Variants in MEGF11 observed in about 807,000 individuals in gnomAD.
MEGF11 encodes multiple epidermal growth factor-like domains protein 11.
In MEGF11, 126 loss-of-function variants were observed where a neutral mutation model predicts 146.6. The ratio of observed to expected loss-of-function variants is 0.86; its 90% confidence interval spans 0.74 to 1.00. The LOEUF (loss-of-function observed/expected upper bound fraction) is 1.00. Ranked by LOEUF, MEGF11 falls within the 50% of genes least tolerant of loss-of-function variation. MEGF11 has a pLI of 0.00. For synonymous variants in MEGF11, 532 were observed against 583.4 expected (o/e 0.91, Z 1.27); for missense variants, 1,509 against 1,521.2 (o/e 0.99, Z 0.13).
chr15:65,911,640 C>T (rs1372529860), intron 21 of MEGF11, among the ~76,000 whole-genome samples: 2 of 152,124 alleles, frequency 1.3e-5, no homozygotes, highest in African/African-American at 4.8e-5. Flanking sequence ...CTCAATATCT[C>T]GACCTTGTGA....
chr15:66,042,810 G>T (rs980269096), intron 5 of MEGF11, among the ~76,000 whole-genome samples: 2 of 152,188 alleles, frequency 1.3e-5, no homozygotes, highest in African/African-American at 4.8e-5. Flanking sequence ...ACACGGCCTA[G>T]GACTGCAGGG....
chr15:66,248,714 A>T (rs2092331266), intron 1 of MEGF11, among the ~76,000 whole-genome samples: 1 of 152,202 alleles, frequency 6.6e-6, no homozygotes, highest in South Asian at 2.1e-4. Context: ...AGGTACTCAC[A>T]CTTGGCCCAG....
intron 5 of MEGF11, among the ~76,000 whole-genome samples, chr15:66,092,449 GC>G (rs2086358541): frequency 6.6e-6 from 1 of 152,206 alleles, no homozygotes; most frequent in African/African-American, 2.4e-5. Context: ...AGAGCAAAGA[GC>G]TTTTGGGTTG....
At chr15:66,179,109 C>G (rs1381290186) in intron 1 of MEGF11, among the ~76,000 whole-genome samples, 1 of 152,124 alleles carries the variant, frequency 6.6e-6, no homozygotes, top group Non-Finnish European at 1.5e-5. Flanking sequence ...ACAGCCCCAG[C>G]TCTAGGAGGT....
In MEGF11 at chr15:66,219,992, G is replaced by A. The variant is rs190278778; in HGVS notation, c.-9+33613C>T. On this transcript the variant is annotated intron_variant, in intron 1 of 25. Coordinates refer to ENST00000395614, the MANE Select transcript of MEGF11 (RefSeq NM_001385028.1). Reference sequence around the variant, plus strand: ...TTTATTTGGAAATAGGGTCTTTGCAGATATCATTAGTTAAAATAAGGTCAT... The same window carrying A: ...TTTATTTGGAAATAGGGTCTTTGCAAATATCATTAGTTAAAATAAGGTCAT... Among the ~76,000 whole-genome samples, 194 of 152,248 alleles carry A rather than the reference G, an allele frequency of 1.3e-3. 2 individuals carry two copies. The highest frequency in any genetic ancestry group is 3.4e-3 in the Middle Eastern group (1 of 294).
Position 66,049,012 on chromosome 15 carries a change from T to C in MEGF11, c.394+45390A>G, listed in dbSNP as rs540276907. ...AGACCACCAGGGGTTTGTCCTATAA[T>C]GAGAGGAAGGGCTGCAGAAGAGAGC... is the stretch of plus-strand genomic sequence containing the variant. On this transcript the variant is annotated intron_variant, in intron 5 of 25. Transcript: ENST00000395614. 3.3e-4 allele frequency among the ~76,000 whole-genome samples: 50 copies of C among 152,204 alleles called. No homozygotes were observed. In the South Asian group the frequency reaches 0.01, roughly 31 times the overall value.
At chr15:66,169,418 A>T (rs1436289187) in intron 1 of MEGF11, among the ~76,000 whole-genome samples, 1 of 152,174 alleles carries the variant, frequency 6.6e-6, no homozygotes, top group Non-Finnish European at 1.5e-5. Context: ...CAGGGAAGGG[A>T]TGGTCCTGAC....
chr15:66,246,262 ATAAT>A (rs563862851), intron 1 of MEGF11, among the ~76,000 whole-genome samples: 2 of 152,096 alleles, frequency 1.3e-5, no homozygotes, highest in Non-Finnish European at 2.9e-5. Flanking sequence ...CATCTCAAAA[ATAAT>A]TAATTAATTT....
intron 5 of MEGF11, among the ~76,000 whole-genome samples, chr15:66,082,165 T>C (rs2085885008): frequency 6.6e-6 from 1 of 152,078 alleles, no homozygotes; most frequent in South Asian, 2.1e-4. Flanking sequence ...AAGTTCTGGG[T>C]TCTGATCCCA....
chr15:65,979,422 C>T (rs1468625748), intron 7 of MEGF11, among the ~76,000 whole-genome samples: 1 of 152,198 alleles, frequency 6.6e-6, no homozygotes, highest in African/African-American at 2.4e-5. Context: ...CCATCTGTCC[C>T]TGTGACCTCT....
In MEGF11 at chr15:65,978,737, G is replaced by C. The variant is rs946776468; in HGVS notation, c.762+2041C>G. 4.8e-4 allele frequency among the ~76,000 whole-genome samples: 73 copies of C among 152,152 alleles called. 1 individual carries two copies. The highest frequency in any genetic ancestry group is 5.9e-5 in the Non-Finnish European group (4 of 68,020). On this transcript the variant is annotated intron_variant, in intron 7 of 25. Coordinates refer to ENST00000395614, the MANE Select transcript of MEGF11 (RefSeq NM_001385028.1). ...GAGGGTCTTTCCAGAGACTGGTTCA[G>C]GGTGGAAGAAAAGGTGGTGGCGGTC...
intron 5 of MEGF11, among the ~76,000 whole-genome samples, chr15:66,071,560 G>A (rs536530023): frequency 1.5e-4 from 23 of 152,322 alleles, no homozygotes; most frequent in Non-Finnish European, 2.6e-4. Flanking sequence ...CCTGTGTGGC[G>A]TGTGCTCTCC....
intron 1 of MEGF11, among the ~76,000 whole-genome samples, chr15:66,239,826 T>A (rs961066134): frequency 6.6e-6 from 1 of 152,106 alleles, no homozygotes; most frequent in Non-Finnish European, 1.5e-5. Context: ...CAGGGTCAGG[T>A]GATATGACCC....
At chr15:66,212,688 C>A (rs377094148) in intron 1 of MEGF11, among the ~76,000 whole-genome samples, 1 of 131,514 alleles carries the variant, frequency 7.6e-6, no homozygotes, top group East Asian at 2.3e-4. Context: ...CATCCGCACA[C>A]GCGGCATCCC....
At chr15:66,025,677 T>C (rs1479864365) in intron 5 of MEGF11, among the ~76,000 whole-genome samples, 1 of 152,172 alleles carries the variant, frequency 6.6e-6, no homozygotes, top group African/African-American at 2.4e-5. Flanking sequence ...GAACGGACCA[T>C]ACCTCCTTTT....
At chr15:66,188,578 C>A (rs2090776956) in intron 1 of MEGF11, among the ~76,000 whole-genome samples, 1 of 152,216 alleles carries the variant, frequency 6.6e-6, no homozygotes, top group African/African-American at 2.4e-5. Context: ...TTTCCCCTCT[C>A]TGCAGATGGG....
intron 13 of MEGF11, among the ~76,000 whole-genome samples, chr15:65,925,407 G>T (rs1161093368): frequency 6.6e-6 from 1 of 152,202 alleles, no homozygotes; most frequent in Non-Finnish European, 1.5e-5. Flanking sequence ...GGGGCTGTTT[G>T]TGGTTCTTAT....
At chr15:66,154,799 A>G (rs2089695549) in intron 1 of MEGF11, among the ~76,000 whole-genome samples, 1 of 151,922 alleles carries the variant, frequency 6.6e-6, no homozygotes, top group African/African-American at 2.4e-5. Flanking sequence ...CAGTTGATGA[A>G]CCTTGGTGGG....
intron 5 of MEGF11, among the ~76,000 whole-genome samples, chr15:66,058,979 A>G (rs1240267493): frequency 6.6e-6 from 1 of 152,098 alleles, no homozygotes; most frequent in Non-Finnish European, 1.5e-5. Context: ...AGGACTCCCA[A>G]CCACTCGGCA....
Sources: allele counts gnomAD v4.1 joint callset (sites outside exome capture counted in the v4.1 genomes callset), GRCh38; gene constraint gnomAD v4.1.1; transcripts MANE v1.5; gene names NCBI Gene and HGNC (gene_info 2026-07-23, HGNC 2026-07-21).